The following WDR25 variants were observed in gnomAD, a reference collection of about 807,000 sequenced individuals.
WDR25 encodes the protein WD repeat-containing protein 25.
A neutral mutation model predicts 47.7 loss-of-function variants in WDR25; 35 were observed. The ratio of observed to expected loss-of-function variants is 0.73; its 90% confidence interval spans 0.56 to 0.97. The LOEUF is 0.97. WDR25 is among the 50% of genes least tolerant of loss of function. WDR25 has a pLI of 0.00. For synonymous variants in WDR25, 248 were observed against 278.9 expected (o/e 0.89, Z 1.10); for missense variants, 634 against 704.7 (o/e 0.90, Z 1.14).
At chr14:100,505,122 A>T (rs1033838013) in intron 4 of WDR25, among the ~76,000 whole-genome samples, 3 of 152,202 alleles carry the variant, frequency 2.0e-5, no homozygotes, top group African/African-American at 7.2e-5. Flanking sequence ...CTCCTATTAC[A>T]TAGGTTTTTG....
intron 5 of WDR25, among the ~76,000 whole-genome samples, chr14:100,528,519 C>T (rs891870743): frequency 6.6e-6 from 1 of 151,666 alleles, no homozygotes; most frequent in African/African-American, 2.4e-5. Flanking sequence ...GATCCGCCCG[C>T]CTCAGCATCC....
rs2030378484 is a variant in WDR25, at chr14:100,529,654, C to G, written c.1414-166C>G. The stretch of plus-strand genomic sequence containing the variant: ...TGGGATGTGGGCCCGCATCAGGGCT[C>G]TACAGCCTCATGGGCGGGACCTGGG... On this transcript the variant is annotated intron_variant, in intron 6 of 6. Transcript: ENST00000402312. This position sits in a 1 kb window ranked among gnomAD's most constrained non-coding sequence, Gnocchi z 5.1. 11 of 759,344 alleles carry G rather than the reference C, an allele frequency of 1.4e-5. No homozygotes were observed. In the South Asian group the frequency reaches 1.6e-4, roughly 11 times the overall value. 47.0% of individuals were successfully genotyped at this position (759,344 alleles called of 1,614,324 possible).
intron 2 of WDR25, among the ~76,000 whole-genome samples, chr14:100,391,221 G>A (rs1198881846): frequency 6.6e-6 from 1 of 151,974 alleles, no homozygotes; most frequent in South Asian, 2.1e-4. Context: ...CCCCCACCCT[G>A]AGATCTGATA....
At chr14:100,386,903 AG>A (rs1897032756) in intron 2 of WDR25, among the ~76,000 whole-genome samples, 1 of 151,998 alleles carries the variant, frequency 6.6e-6, no homozygotes, top group Non-Finnish European at 1.5e-5. Context: ...AGAAAAAAAA[AG>A]AAAAAGATGG....
At chr14:100,505,369 T>A (rs1901076086) in intron 4 of WDR25, among the ~76,000 whole-genome samples, 1 of 152,240 alleles carries the variant, frequency 6.6e-6, no homozygotes, top group African/African-American at 2.4e-5. Flanking sequence ...AGATTGTTTT[T>A]GGAGCCTTGG....
chr14:100,405,856 G>A (rs1470511283), intron 2 of WDR25, among the ~76,000 whole-genome samples: 1 of 152,200 alleles, frequency 6.6e-6, no homozygotes, highest in Non-Finnish European at 1.5e-5. Context: ...CCACCTGGAT[G>A]TTTTTCTCTG....
intron 2 of WDR25, among the ~76,000 whole-genome samples, chr14:100,400,026 T>G (rs967561761): frequency 1.3e-5 from 2 of 152,176 alleles, no homozygotes; most frequent in South Asian, 4.2e-4. Flanking sequence ...TTTAAAGGAC[T>G]TGGGGGAAAG....
Position 100,428,388 on chromosome 14 carries a change from G to A in WDR25, c.823-39633G>A, listed in dbSNP as rs1470467496. Among the ~76,000 whole-genome samples, 3 of 152,188 alleles carry A rather than the reference G, an allele frequency of 2.0e-5. No homozygotes were observed. Among genetic ancestry groups the A allele is most frequent in the African/African-American group, 4.8e-5 (2 of 41,454 alleles). Reference sequence around the variant, plus strand: ...CAGAGCATGGCGTCTGGAGTCAGGCGGCCTGGCTACGGGTCTTGGGTCTGC... The same window carrying A: ...CAGAGCATGGCGTCTGGAGTCAGGCAGCCTGGCTACGGGTCTTGGGTCTGC... On this transcript the variant is annotated intron_variant, in intron 2 of 6. Transcript: ENST00000402312. The surrounding 1 kb of genome is among the most constrained non-coding windows in gnomAD (Gnocchi z 4.3).
At chr14:100,509,447 C>G (rs146240986) in intron 4 of WDR25, among the ~76,000 whole-genome samples, 1 of 152,310 alleles carries the variant, frequency 6.6e-6, no homozygotes, top group East Asian at 1.9e-4. Flanking sequence ...CACTACCCCC[C>G]AGGCTGCAGA....
intron 4 of WDR25, among the ~76,000 whole-genome samples, chr14:100,514,172 G>A (rs1015129738): frequency 1.3e-5 from 2 of 151,818 alleles, no homozygotes; most frequent in Non-Finnish European, 2.9e-5. Context: ...TCCTGACCTC[G>A]TGATCCGCCC....
intron 2 of WDR25, among the ~76,000 whole-genome samples, chr14:100,435,522 T>C (rs891441465): frequency 6.6e-6 from 1 of 152,194 alleles, no homozygotes; most frequent in Non-Finnish European, 1.5e-5. Context: ...CAAAAAAGTT[T>C]GGAGATCACG....
In WDR25 at chr14:100,425,968, G is replaced by A. The variant is rs1236364698; in HGVS notation, c.823-42053G>A. Among the ~76,000 whole-genome samples, 1 of 152,224 alleles carries A rather than the reference G, an allele frequency of 6.6e-6. No homozygotes were observed. Among genetic ancestry groups the A allele is most frequent in the African/African-American group, 2.4e-5 (1 of 41,462 alleles). On this transcript the variant is annotated intron_variant, in intron 2 of 6. Coordinates refer to ENST00000402312, the MANE Select transcript of WDR25 (RefSeq NM_001161476.3). This position sits in a 1 kb window ranked among gnomAD's most constrained non-coding sequence, Gnocchi z 4.8. ...GTCCTGACATTTCCACCCCAAATGGGATTTGCATAAGCCCAAATGAGTGCA... is the reference window on the plus strand; with the variant it reads ...GTCCTGACATTTCCACCCCAAATGGAATTTGCATAAGCCCAAATGAGTGCA...
chr14:100,391,380 G>A (rs1045419505), intron 2 of WDR25, among the ~76,000 whole-genome samples: 3 of 152,156 alleles, frequency 2.0e-5, no homozygotes, highest in South Asian at 2.1e-4. Flanking sequence ...GAGCAGCGCC[G>A]CGGTCCCCGG....
rs1239981823 is a variant in WDR25 at position 100,498,354 on chromosome 14, A to G, written c.1101+14230A>G. Among the ~76,000 whole-genome samples the G allele has an allele frequency of 1.3e-5, 2 of 152,188 alleles. No homozygotes were observed. The highest frequency in any genetic ancestry group is 2.9e-5 in the Non-Finnish European group (2 of 68,028). Reference sequence around the variant, plus strand: ...CCACGCCCAGTTCAGAAGGGAGATGAGGAGTGGATAGCTCTCTTTCCCCTC... The same window carrying G: ...CCACGCCCAGTTCAGAAGGGAGATGGGGAGTGGATAGCTCTCTTTCCCCTC... On this transcript the variant is annotated intron_variant, in intron 4 of 6. Coordinates refer to ENST00000402312, the MANE Select transcript of WDR25 (RefSeq NM_001161476.3). The surrounding 1 kb of genome is among the most constrained non-coding windows in gnomAD (Gnocchi z 4.2).
chr14:100,457,678 G>A (rs1899249023), intron 2 of WDR25, among the ~76,000 whole-genome samples: 1 of 152,100 alleles, frequency 6.6e-6, no homozygotes, highest in African/African-American at 2.4e-5. Flanking sequence ...GATGTTTTTT[G>A]TTCTTATTTA....
chr14:100,379,397 T>G lies in WDR25; in HGVS notation c.-15-1513T>G, dbSNP rs970124816. Among the ~76,000 whole-genome samples the G allele has an allele frequency of 3.1e-4, 46 of 150,348 alleles. 1 individual carries two copies. Among genetic ancestry groups the G allele is most frequent in the Non-Finnish European group, 5.3e-4 (36 of 67,496 alleles). On this transcript the variant is annotated intron_variant, in intron 1 of 6. Transcript: ENST00000402312. ...CAGGTCTTCTTTTTTTTTCTTTTTT[T>G]TTTTTTTTGAGATGGAGTCTTGCTC...
chr14:100,428,275 G>T lies in WDR25; in HGVS notation c.823-39746G>T, dbSNP rs1193693206. Among the ~76,000 whole-genome samples the T allele has an allele frequency of 6.6e-6, 1 of 152,230 alleles. No homozygotes were observed. Among genetic ancestry groups the T allele is most frequent in the East Asian group, 1.9e-4 (1 of 5,202 alleles). On this transcript the variant is annotated intron_variant, in intron 2 of 6. Coordinates refer to ENST00000402312, the MANE Select transcript of WDR25 (RefSeq NM_001161476.3). The surrounding 1 kb of genome is among the most constrained non-coding windows in gnomAD (Gnocchi z 4.3). ...GGGTCCCCCTCTGCCTACAGGCAGTGAGTGTGGCCTGGGAGGCAGGTGGCC... is the reference window on the plus strand; with the variant it reads ...GGGTCCCCCTCTGCCTACAGGCAGTTAGTGTGGCCTGGGAGGCAGGTGGCC...
At chr14:100,505,831 G>A (rs1390289481) in intron 4 of WDR25, among the ~76,000 whole-genome samples, 1 of 152,092 alleles carries the variant, frequency 6.6e-6, no homozygotes, top group Non-Finnish European at 1.5e-5. Flanking sequence ...ATACTAATGT[G>A]AGTGGAATTT....
chr14:100,415,258 A>T (rs758351044), intron 2 of WDR25, among the ~76,000 whole-genome samples: 3 of 152,242 alleles, frequency 2.0e-5, no homozygotes, highest in Non-Finnish European at 4.4e-5. Flanking sequence ...TATTCTGTCC[A>T]GCAAGACAGG....
Sources: allele counts gnomAD v4.1 joint callset (sites outside exome capture counted in the v4.1 genomes callset), GRCh38; gene constraint gnomAD v4.1.1; non-coding constraint Gnocchi (gnomAD v3.1); transcripts MANE v1.5; gene names NCBI Gene and HGNC (gene_info 2026-07-23, HGNC 2026-07-21).